The following INVS variants were observed in gnomAD, a reference collection of about 807,000 sequenced individuals.
The protein encoded by INVS is inversion of embryo turning homolog.
Under a neutral mutation model 108.8 loss-of-function variants are expected in INVS, and 86 were observed. The observed-to-expected ratio is 0.79, with a 90% CI of 0.66 to 0.95. INVS has a LOEUF of 0.95. Ranked by LOEUF, INVS falls within the 40% of genes least tolerant of loss-of-function variation. INVS has a pLI of 0.00. For synonymous variants in INVS, 455 were observed against 473.5 expected (o/e 0.96, Z 0.51); for missense variants, 1,169 against 1,297.4 (o/e 0.90, Z 1.52).
chr9:100,121,378 C>T (rs910985647), intron 2 of INVS, among the ~76,000 whole-genome samples: 10 of 152,166 alleles, frequency 6.6e-5, no homozygotes, highest in Admixed American at 2.0e-4. Flanking sequence ...ATACCAGGGG[C>T]TGGAAGTCTT....
At chr9:100,121,110 G>A (rs1827715523) in intron 2 of INVS, among the ~76,000 whole-genome samples, 1 of 151,928 alleles carries the variant, frequency 6.6e-6, no homozygotes. Flanking sequence ...CTTCTCCAAG[G>A]CCAGCAGGAA....
chr9:100,192,994 T>TC (rs1830270032), intron 3 of INVS, among the ~76,000 whole-genome samples: 1 of 151,556 alleles, frequency 6.6e-6, no homozygotes. Context: ...TTTTTTTTTT[T>TC]CTGATACAGG....
At position 100,188,318 on chromosome 9, in the gene INVS, A is replaced by G. The variant is rs575912544; in HGVS notation, c.274-37744A>G. Among the ~76,000 whole-genome samples, 3 of 152,322 alleles carry G rather than the reference A, an allele frequency of 2.0e-5. 1 individual carries two copies. The highest frequency in any genetic ancestry group is 1.5e-5 in the Non-Finnish European group (1 of 68,024). ...TTAAGATATTGGTTGTGGGTTTGTC[A>G]TATGTGGCTTCCTTCTATACTTAGA... is the stretch of plus-strand genomic sequence containing the variant. On this transcript the variant is annotated intron_variant, in intron 3 of 16. Coordinates refer to ENST00000262457, the MANE Select transcript of INVS (RefSeq NM_014425.5).
chr9:100,168,605 A>G (rs1031487126), intron 3 of INVS, among the ~76,000 whole-genome samples: 1 of 152,080 alleles, frequency 6.6e-6, no homozygotes, highest in Admixed American at 6.6e-5. Context: ...TGGATTGAGA[A>G]TAGGGAGGGT....
intron 12 of INVS, among the ~76,000 whole-genome samples, chr9:100,282,519 G>A (rs1354792446): frequency 1.3e-5 from 2 of 152,182 alleles, no homozygotes; most frequent in Admixed American, 6.5e-5. Context: ...AGTTGACAAG[G>A]TTGTAAATCA....
intron 10 of INVS, among the ~76,000 whole-genome samples, chr9:100,256,393 G>A (rs1407022259): frequency 6.6e-6 from 1 of 151,816 alleles, no homozygotes; most frequent in Non-Finnish European, 1.5e-5. Flanking sequence ...TTTTTTGAAG[G>A]GTTTTTTGTG....
At chr9:100,192,020 G>T (rs1830237697) in intron 3 of INVS, among the ~76,000 whole-genome samples, 3 of 152,122 alleles carry the variant, frequency 2.0e-5, no homozygotes, top group Non-Finnish European at 4.4e-5. Flanking sequence ...CAAGGTGCTT[G>T]GTGTGTGAGC....
intron 8 of INVS, among the ~76,000 whole-genome samples, chr9:100,247,816 T>G (rs1379159985): frequency 6.6e-6 from 1 of 152,138 alleles, no homozygotes; most frequent in African/African-American, 2.4e-5. Flanking sequence ...AATTTCTTTT[T>G]TTTTCTTTTT....
At chr9:100,287,783 TA>T (rs1280061035) in intron 13 of INVS, among the ~76,000 whole-genome samples, 1 of 152,210 alleles carries the variant, frequency 6.6e-6, no homozygotes, top group Non-Finnish European at 1.5e-5. Context: ...CTTTTCTTTA[TA>T]AATTACCCAG....
chr9:100,184,745 C>G (rs1830005899), intron 3 of INVS, among the ~76,000 whole-genome samples: 1 of 151,918 alleles, frequency 6.6e-6, no homozygotes, highest in Non-Finnish European at 1.5e-5. Flanking sequence ...GGGGAGCACT[C>G]AAAGAGATCT....
chr9:100,124,546 TAA>T (rs55879793), intron 2 of INVS, among the ~76,000 whole-genome samples: 10 of 136,914 alleles, frequency 7.3e-5, no homozygotes, highest in Non-Finnish European at 4.7e-5. Context: ...AGACCCTCAT[TAA>T]AAAAAAAAAA....
intron 11 of INVS, 32 bp from the exon 12 acceptor site, chr9:100,272,832 T>TA (rs539700665): frequency 2.0e-3 from 2,892 of 1,427,176 alleles, no homozygotes; most frequent in East Asian, 9.6e-3. Context: ...ATTCTAAAAT[T>TA]AAAAAAAAAA....
chr9:100,134,103 C>A (rs1828144921), intron 3 of INVS, among the ~76,000 whole-genome samples: 1 of 151,928 alleles, frequency 6.6e-6, no homozygotes, highest in Non-Finnish European at 1.5e-5. Context: ...TCCACTCTTC[C>A]CCCCAAGTCC....
Position 100,264,486 on chromosome 9 carries a change from C to T in INVS, c.1465-336C>T, listed in dbSNP as rs529611748. Among the ~76,000 whole-genome samples, 9 of 152,032 alleles carry T rather than the reference C, an allele frequency of 5.9e-5. No homozygotes were observed. In the East Asian group the frequency reaches 1.4e-3, roughly 23 times the overall value. On this transcript the variant is annotated intron_variant, in intron 10 of 16. Transcript: ENST00000262457. ...TACAAAAATTAGCTGGGCATGGCGG[C>T]GGGCACCTGTAATCCCAGCTACTTG...
At chr9:100,184,436 C>G (rs1829995836) in intron 3 of INVS, among the ~76,000 whole-genome samples, 1 of 152,116 alleles carries the variant, frequency 6.6e-6, no homozygotes, top group African/African-American at 2.4e-5. Flanking sequence ...AGCATTAGTT[C>G]CTGTGAATCC....
intron 2 of INVS, among the ~76,000 whole-genome samples, chr9:100,107,898 G>A (rs918589496): frequency 2.6e-5 from 4 of 152,072 alleles, no homozygotes; most frequent in Non-Finnish European, 5.9e-5. Flanking sequence ...ATTTGTTGAA[G>A]GAATGAATAA....
intron 3 of INVS, among the ~76,000 whole-genome samples, chr9:100,200,653 T>C (rs148361399): frequency 6.6e-6 from 1 of 152,322 alleles, no homozygotes; most frequent in East Asian, 1.9e-4. Flanking sequence ...TCTACCCCTA[T>C]GCCTTGGGTA....
chr9:100,195,568 G>T (rs1830349053), intron 3 of INVS, among the ~76,000 whole-genome samples: 1 of 151,808 alleles, frequency 6.6e-6, no homozygotes, highest in Non-Finnish European at 1.5e-5. Context: ...GCTCACTGCA[G>T]CCTCCACCTT....
At chr9:100,222,161 G>T (rs1263897835) in intron 3 of INVS, among the ~76,000 whole-genome samples, 2 of 152,090 alleles carry the variant, frequency 1.3e-5, no homozygotes, top group Non-Finnish European at 2.9e-5. Flanking sequence ...GCCATTCTTG[G>T]TTCTATCTGA....
Sources: gnomAD v4.1 joint callset for allele counts (sites outside exome capture counted in the v4.1 genomes callset) on GRCh38, gnomAD v4.1.1 for gene constraint, MANE v1.5 for transcripts, NCBI Gene and HGNC (gene_info 2026-07-23, HGNC 2026-07-21) for gene names.